The following TDRD10 variants were observed in gnomAD, a reference collection of about 807,000 sequenced individuals.
The protein encoded by TDRD10 is tudor domain-containing protein 10.
A neutral mutation model predicts 48.0 loss-of-function variants in TDRD10; 40 were observed. The ratio of observed to expected loss-of-function variants is 0.83; its 90% CI spans 0.65 to 1.09. TDRD10 has a LOEUF of 1.09. Among genes scored for constraint, TDRD10 ranks in the 50% least tolerant of loss-of-function variants. The probability of loss-of-function intolerance (pLI) is 0.00; values close to 1 mark genes in which losing one functional copy is unlikely to be tolerated. For synonymous variants in TDRD10, 162 were observed against 170.4 expected, an observed-to-expected ratio of 0.95 and a Z score of 0.38; for missense variants, 378 against 434.7, an observed-to-expected ratio of 0.87 and a Z score of 1.16.
chr1:154,538,476 G>A (rs554894212), intron 6 of TDRD10, among the ~76,000 whole-genome samples: 1 of 151,096 alleles, frequency 6.6e-6, no homozygotes, highest in Non-Finnish European at 1.5e-5. Context: ...CTTGAACCTG[G>A]GAGGTAGAGG....
intron 6 of TDRD10, among the ~76,000 whole-genome samples, chr1:154,527,424 G>A (rs532341921): frequency 6.6e-6 from 1 of 152,312 alleles, no homozygotes; most frequent in African/African-American, 2.4e-5. Context: ...TGGGACAATT[G>A]CTTATTCATG....
At chr1:154,519,697 AG>A (rs1436727045) in intron 4 of TDRD10, among the ~76,000 whole-genome samples, 1 of 152,172 alleles carries the variant, frequency 6.6e-6, no homozygotes, top group Non-Finnish European at 1.5e-5. Context: ...GAGAAAAAAT[AG>A]GGTGTAGTTC....
intron 4 of TDRD10, 135 bp from the exon 5 acceptor site, chr1:154,520,169 C>T (rs1304790452): frequency 7.9e-6 from 5 of 630,602 alleles, no homozygotes; most frequent in South Asian, 4.0e-5. Flanking sequence ...AAACATGGCA[C>T]GTACAGCACA....
chr1:154,544,855 G>C lies in TDRD10; in HGVS notation c.858G>C (p.Gln286His). 1 of 1,614,188 alleles carries C rather than the reference G, an allele frequency of 6.2e-7. No homozygotes were observed. The highest frequency in any genetic ancestry group is 1.1e-5 in the South Asian group (1 of 91,084). ...TGGTCATGTTCATTGATTTTGGACA[G>C]TTGGCCACCATCCCTGTGCAGTCTC... The part of the protein sequence containing the change: ...WAVVMFIDFG[Q>H]LATIPVQSLR... Residue 286 changes from glutamine (Q) to histidine (H), a missense_variant, in exon 11 of 13, where the codon CAG (glutamine) becomes CAC (histidine). Physicochemically the swap from Gln to His is conservative, Grantham distance 24. Around this residue, in one of 2 missense-constraint regions of TDRD10, gnomAD observed 68 missense variants for 111.1 expected, o/e 0.61. Transcript: ENST00000368482.
chr1:154,510,903 G>A (rs533326191), intron 4 of TDRD10, among the ~76,000 whole-genome samples: 66 of 151,510 alleles, frequency 4.4e-4, no homozygotes, highest in African/African-American at 1.5e-3. Context: ...AAAATTAGCG[G>A]GGCATGGTGG....
In TDRD10 at chr1:154,542,726, T is replaced by C. The variant is rs1695312635; in HGVS notation, c.413-5T>C. 1 of 1,612,476 alleles carries C rather than the reference T, an allele frequency of 6.2e-7. No individual in the cohort carries two copies. Among genetic ancestry groups the C allele is most frequent in the Non-Finnish European group, 8.5e-7 (1 of 1,179,030 alleles). On this transcript the variant is annotated splice_region_variant and splice_polypyrimidine_tract_variant and intron_variant, in intron 7 of 12. Transcript: ENST00000368482. ...GCCTCCAGGACTTAGTCTTCTGCTTTCTAGCTATTATACAGCTCGCTCCTA... is the reference window on the plus strand; with the variant it reads ...GCCTCCAGGACTTAGTCTTCTGCTTCCTAGCTATTATACAGCTCGCTCCTA...
At chr1:154,510,805 G>A (rs1693420908) in intron 4 of TDRD10, among the ~76,000 whole-genome samples, 1 of 151,804 alleles carries the variant, frequency 6.6e-6, no homozygotes, top group South Asian at 2.1e-4. Flanking sequence ...CCAGCGCTTT[G>A]GGAGGCTGAG....
chr1:154,532,949 A>C (rs927885447), intron 6 of TDRD10, among the ~76,000 whole-genome samples: 2 of 149,340 alleles, frequency 1.3e-5, no homozygotes, highest in African/African-American at 4.9e-5. Context: ...GAAAGTCTTG[A>C]CTCTCCACTA....
intron 6 of TDRD10, among the ~76,000 whole-genome samples, chr1:154,526,467 G>A (rs934651932): frequency 6.7e-6 from 1 of 148,832 alleles, no homozygotes; most frequent in African/African-American, 2.5e-5. Flanking sequence ...TCACGTGGCT[G>A]GAGTGCAGAG....
At chr1:154,541,979 C>T (rs756049710) in intron 6 of TDRD10, 45 bp from the exon 7 acceptor site, 57 of 1,601,860 alleles carry the variant, frequency 3.6e-5, no homozygotes, top group Non-Finnish European at 4.5e-5. Context: ...ATCAATAAAA[C>T]AAATGCCACC....
At chr1:154,505,305 G>A (rs1693083093) in intron 1 of TDRD10, among the ~76,000 whole-genome samples, 2 of 152,226 alleles carry the variant, frequency 1.3e-5, no homozygotes, top group African/African-American at 2.4e-5. Context: ...AAGGCATCTT[G>A]CACGGATTTA....
At chr1:154,541,835 T>A in intron 6 of TDRD10, 189 bp from the exon 7 acceptor site, 1 of 541,846 alleles carries the variant, frequency 1.8e-6, no homozygotes, top group South Asian at 2.8e-5. Context: ...TCGTCTTTTC[T>A]TTGGGTTGGC....
intron 6 of TDRD10, among the ~76,000 whole-genome samples, chr1:154,531,366 C>A (rs549511834): frequency 6.6e-6 from 1 of 152,114 alleles, no homozygotes; most frequent in African/African-American, 2.4e-5. Context: ...CGGACCCTTG[C>A]GGTAAGTATT....
At chr1:154,541,088 A>G (rs1328174718) in intron 6 of TDRD10, among the ~76,000 whole-genome samples, 1 of 152,190 alleles carries the variant, frequency 6.6e-6, no homozygotes, top group Admixed American at 6.5e-5. Context: ...GCACAGAAGC[A>G]GGAATTGGGG....
At chr1:154,517,260 C>G (rs1222026993) in intron 4 of TDRD10, among the ~76,000 whole-genome samples, 2 of 152,158 alleles carry the variant, frequency 1.3e-5, no homozygotes, top group Non-Finnish European at 2.9e-5. Flanking sequence ...GCATATTTGT[C>G]TGTGGCTTGC....
At chr1:154,542,592 CTG>C in intron 7 of TDRD10, 137 bp from the exon 8 acceptor site, 3 of 602,286 alleles carry the variant, frequency 5.0e-6, no homozygotes, top group Admixed American at 6.1e-5. Context: ...AATCTAGAGA[CTG>C]AGAAGTTGGA....
Position 154,521,427 on chromosome 1 carries a change from A to G in TDRD10, c.317A>G (p.Lys106Arg), listed in dbSNP as rs758455204. Reference protein sequence around the residue: ...HKRKLFVNTSKRPPKRTPDMI... With the variant: ...HKRKLFVNTSRRPPKRTPDMI... The stretch of plus-strand genomic sequence containing the variant: ...CGAAAACTGTTCGTGAATACAAGCA[A>G]AAGGCCCCCCAAGAGGACCCCTGAT... The change falls in exon 6 of 13, where the codon AAA becomes AGA. Residue 106 changes from lysine (K) to arginine (R), a missense_variant. Coordinates refer to ENST00000368482, the MANE Select transcript of TDRD10 (RefSeq NM_182499.4). 25 of 1,614,070 alleles carry G rather than the reference A, an allele frequency of 1.5e-5. No individual in the cohort carries two copies. The highest frequency in any genetic ancestry group is 1.9e-5 in the Non-Finnish European group (23 of 1,180,056).
intron 1 of TDRD10, among the ~76,000 whole-genome samples, chr1:154,506,417 C>T (rs534737124): frequency 1.3e-5 from 2 of 151,832 alleles, no homozygotes; most frequent in South Asian, 2.1e-4. Flanking sequence ...ACTCTGTCGC[C>T]CAGGCTGGAG....
chr1:154,544,080 C>T lies in TDRD10; in HGVS notation c.621C>T (p.Thr207=), dbSNP rs746297703. ...GLLVTSIVPK[T]PFFWAMHVTE... ...TGGTGACGAGTATCGTCCCGAAGAC[C>T]CCGTTTTTCTGGGCTATGCACGTCA... The change falls in exon 9 of 13, where the codon ACC becomes ACT. Residue 207 remains threonine (T), a synonymous_variant. Transcript: ENST00000368482. 3.1e-6 allele frequency: 5 copies of T among 1,614,126 alleles called. No individual in the cohort carries two copies. The East Asian group carries it at 1.1e-4, about 36-fold the overall frequency.
Sources: gnomAD v4.1 joint callset for allele counts (sites outside exome capture counted in the v4.1 genomes callset) on GRCh38, gnomAD v4.1.1 for gene constraint, gnomAD v4.1.1 regional missense constraint, MANE v1.5 for transcripts, NCBI Gene and HGNC (gene_info 2026-07-23, HGNC 2026-07-21) for gene names.